The following AFG1L variants were observed in gnomAD, a reference collection of about 807,000 sequenced individuals.
AFG1L encodes AFG1-like ATPase.
AFG1L carries 53 observed loss-of-function variants against 62.2 expected under a neutral mutation model. The ratio of observed to expected loss-of-function variants is 0.85; its 90% CI spans 0.68 to 1.07. The LOEUF (loss-of-function observed/expected upper bound fraction) is 1.07. Among genes scored for constraint, AFG1L ranks in the 50% least tolerant of loss-of-function variants. AFG1L has a pLI of 0.00. For synonymous variants in AFG1L, 228 were observed against 210.3 expected (o/e 1.08, Z -0.73); for missense variants, 555 against 590.5 (o/e 0.94, Z 0.62).
chr6:108,454,291 A>G (rs1472021445), intron 8 of AFG1L, among the ~76,000 whole-genome samples: 2 of 152,250 alleles, frequency 1.3e-5, no homozygotes, highest in East Asian at 1.9e-4. Flanking sequence ...TTTAGCAGTC[A>G]AGGTTGCAGA....
intron 6 of AFG1L, among the ~76,000 whole-genome samples, chr6:108,375,491 T>C (rs998133761): frequency 1.3e-5 from 2 of 152,114 alleles, no homozygotes; most frequent in Admixed American, 6.6e-5. Flanking sequence ...ATTTTTTAGG[T>C]GTGTTCCTGC....
intron 7 of AFG1L, among the ~76,000 whole-genome samples, chr6:108,409,502 A>G (rs1168599806): frequency 2.0e-5 from 3 of 152,154 alleles, no homozygotes; most frequent in Non-Finnish European, 4.4e-5. Context: ...AAAGCACGTG[A>G]TAGATATATT....
intron 6 of AFG1L, among the ~76,000 whole-genome samples, chr6:108,398,097 C>T (rs1472670576): frequency 2.6e-5 from 4 of 152,124 alleles, no homozygotes; most frequent in Non-Finnish European, 5.9e-5. Flanking sequence ...TCCCTTTTCT[C>T]TGCGTCCTCA....
intron 7 of AFG1L, among the ~76,000 whole-genome samples, chr6:108,441,076 G>A (rs1771525889): frequency 6.6e-6 from 1 of 152,070 alleles, no homozygotes; most frequent in Non-Finnish European, 1.5e-5. Flanking sequence ...GCTAAGATGG[G>A]CAAATCTGTG....
chr6:108,508,462 C>T (rs981611789), intron 10 of AFG1L, among the ~76,000 whole-genome samples: 14 of 152,166 alleles, frequency 9.2e-5, no homozygotes, highest in African/African-American at 3.4e-4. Context: ...TTGCCTCCTC[C>T]TGGCTGCCAT....
chr6:108,407,276 C>T (rs1236129223), intron 7 of AFG1L, among the ~76,000 whole-genome samples: 1 of 152,094 alleles, frequency 6.6e-6, no homozygotes, highest in African/African-American at 2.4e-5. Flanking sequence ...TGTTAAGTTG[C>T]CCTTTTCCTG....
chr6:108,316,380 CAAAAAAAAAAAA>C (rs768461563), intron 1 of AFG1L, among the ~76,000 whole-genome samples: 2 of 18,840 alleles, frequency 1.1e-4, no homozygotes, highest in African/African-American at 1.5e-4. Flanking sequence ...GACTCCGTCT[CAAAAAAAAAAAA>C]AAAAAAAAAA....
At chr6:108,364,676 G>A (rs920645555) in intron 5 of AFG1L, among the ~76,000 whole-genome samples, 2 of 152,138 alleles carry the variant, frequency 1.3e-5, no homozygotes, top group African/African-American at 4.8e-5. Context: ...TGCCACTGGT[G>A]TTCAAGCATT....
intron 6 of AFG1L, among the ~76,000 whole-genome samples, chr6:108,393,289 G>A (rs1455920106): frequency 6.6e-6 from 1 of 152,038 alleles, no homozygotes; most frequent in East Asian, 1.9e-4. Flanking sequence ...TTCAAGAGAT[G>A]GATGTATTGC....
At chr6:108,476,331 T>C (rs968668927) in intron 8 of AFG1L, among the ~76,000 whole-genome samples, 6 of 152,216 alleles carry the variant, frequency 3.9e-5, no homozygotes, top group African/African-American at 1.2e-4. Flanking sequence ...TAATTGTCCT[T>C]ATACTAGAAG....
chr6:108,375,505 G>A (rs1217669603), intron 6 of AFG1L, among the ~76,000 whole-genome samples: 1 of 151,930 alleles, frequency 6.6e-6, no homozygotes. Context: ...TTCCTGCGGT[G>A]TCTAGTTTCT....
chr6:108,508,862 C>T (rs1037836780), intron 10 of AFG1L, among the ~76,000 whole-genome samples: 2 of 152,206 alleles, frequency 1.3e-5, no homozygotes, highest in African/African-American at 4.8e-5. Flanking sequence ...AAGGACTTCC[C>T]AAATGAGATA....
At chr6:108,317,114 T>A (rs925807126) in intron 1 of AFG1L, among the ~76,000 whole-genome samples, 6 of 152,204 alleles carry the variant, frequency 3.9e-5, no homozygotes, top group Non-Finnish European at 8.8e-5. Flanking sequence ...CAATTTGGAT[T>A]GCCTCTTCTT....
At chr6:108,343,281 C>G (rs960616384) in intron 2 of AFG1L, among the ~76,000 whole-genome samples, 1 of 152,040 alleles carries the variant, frequency 6.6e-6, no homozygotes, top group Non-Finnish European at 1.5e-5. Context: ...CTCCTGACCT[C>G]AAGTGATCTG....
At chr6:108,402,467 TAAAAAAAAAAA>T (rs55775052) in intron 7 of AFG1L, among the ~76,000 whole-genome samples, 1 of 91,182 alleles carries the variant, frequency 1.1e-5, no homozygotes, top group African/African-American at 4.6e-5. Flanking sequence ...CCGTCTCGAA[TAAAAAAAAAAA>T]AAAAAAAAAA....
intron 6 of AFG1L, chr6:108,387,583 A>G (rs1284036986): frequency 6.6e-6 from 1 of 152,264 alleles, no homozygotes. Context: ...CTTGTGGAAG[A>G]CAGTTTTGAC....
At chr6:108,327,082 A>G (rs9386721) in intron 2 of AFG1L, among the ~76,000 whole-genome samples, 106,372 of 152,150 alleles carry the variant, frequency 0.7, 40,790 homozygotes, top group Non-Finnish European at 0.87. Context: ...CCCTGTCTCT[A>G]CAATACAAAT....
In AFG1L at chr6:108,366,110, A is replaced by G. The variant is rs1036106839; in HGVS notation, c.649-123A>G. On this transcript the variant is annotated intron_variant, in intron 5 of 12. Coordinates refer to ENST00000368977, the MANE Select transcript of AFG1L (RefSeq NM_145315.5). ...CTTTTAATTATCTACTCTTTTCTTC[A>G]TGATGATAATTAGAATTTTTCTCTT... 5 of 582,634 alleles carry G rather than the reference A, an allele frequency of 8.6e-6. No homozygotes were observed. The South Asian group carries it at 9.0e-5, about 10-fold the overall frequency. 36.1% of individuals were successfully genotyped at this position (582,634 alleles called of 1,614,324 possible).
chr6:108,477,961 G>C (rs1380424803), intron 10 of AFG1L, among the ~76,000 whole-genome samples: 1 of 152,156 alleles, frequency 6.6e-6, no homozygotes, highest in Non-Finnish European at 1.5e-5. Flanking sequence ...TGCAAATCTT[G>C]AGGAAAACAA....
Sources: allele counts gnomAD v4.1 joint callset (sites outside exome capture counted in the v4.1 genomes callset), GRCh38; gene constraint gnomAD v4.1.1; transcripts MANE v1.5; gene names NCBI Gene and HGNC (gene_info 2026-07-23, HGNC 2026-07-21).